The following MPDZ variants were observed in gnomAD, a reference collection of about 807,000 sequenced individuals.
MPDZ encodes multiple PDZ domain protein.
A neutral mutation model predicts 239.1 loss-of-function variants in MPDZ; 234 were observed. The ratio of observed to expected loss-of-function variants is 0.98; its 90% confidence interval spans 0.88 to 1.09. The LOEUF (loss-of-function observed/expected upper bound fraction) is 1.09. Among genes scored for constraint, MPDZ ranks in the 50% least tolerant of loss-of-function variants. The pLI, the probability that MPDZ is intolerant of heterozygous loss-of-function variation, is 0.00. For missense variants in MPDZ, 3,175 were observed against 2,510.0 expected (o/e 1.26, Z -5.66); for synonymous variants, 1,048 against 881.3 (o/e 1.19, Z -3.35).
chr9:13,271,525 T>C (rs1032764460), intron 1 of MPDZ, among the ~76,000 whole-genome samples: 8 of 152,208 alleles, frequency 5.3e-5, no homozygotes, highest in Non-Finnish European at 1.2e-4. Context: ...GAACAACTTT[T>C]ATCATGAAAA....
chr9:13,136,042 G>A lies in MPDZ; in HGVS notation c.4383+50C>T, dbSNP rs531758270. On this transcript the variant is annotated intron_variant, in intron 31 of 46. Transcript: ENST00000319217. ...TGTAATTGTTGATTGAATTAATAAG[G>A]CTCACATCAATCAAGTCTTCCCAGA... is the stretch of plus-strand genomic sequence containing the variant. 30 of 1,182,598 alleles carry A rather than the reference G, an allele frequency of 2.5e-5. No homozygotes were observed. In the African/African-American group the frequency reaches 4.3e-4, roughly 17 times the overall value. The allele number at this position is 1,182,598 out of a possible 1,614,324, so 73.3% of individuals were successfully genotyped here. A position where few individuals can be genotyped will look rare whatever the true frequency, so the allele number is the denominator to read the frequency against.
chr9:13,249,652 A>G (rs779303539), intron 2 of MPDZ, among the ~76,000 whole-genome samples: 1 of 152,186 alleles, frequency 6.6e-6, no homozygotes, highest in Non-Finnish European at 1.5e-5. Flanking sequence ...CCAAAGAGTT[A>G]CCTGGAATAG....
rs754230589 is a variant in MPDZ, at chr9:13,188,895, G to C, written c.2253C>G (p.Leu751=). Residue 751 remains leucine, a synonymous_variant, in exon 17 of 47, where the codon CTC becomes CTG. Transcript: ENST00000319217. ...CCAAGTTAACATCGTTTACAAACAT[G>C]AGTCGGTCACCAGGAAGAAGTCGTC... ...KDGRLLPGDR[L]MFVNDVNLEN... is the part of the protein sequence containing the mutation. 6.2e-7 allele frequency: 1 copy of C among 1,613,558 alleles called. No individual in the cohort carries two copies. Among genetic ancestry groups the C allele is most frequent in the Non-Finnish European group, 8.5e-7 (1 of 1,179,590 alleles).
intron 37 of MPDZ, 50 bp downstream of exon 37, chr9:13,122,037 A>G (rs780771067): frequency 6.2e-7 from 1 of 1,604,874 alleles, no homozygotes; most frequent in Non-Finnish European, 8.5e-7. Flanking sequence ...CACTCCCCCC[A>G]GGAGCCTTTT....
chr9:13,130,580 A>C (rs931855922), intron 32 of MPDZ, among the ~76,000 whole-genome samples: 6 of 152,250 alleles, frequency 3.9e-5, no homozygotes, highest in African/African-American at 1.4e-4. Flanking sequence ...ACAGGAGACA[A>C]GCTCTAGGGT....
intron 3 of MPDZ, among the ~76,000 whole-genome samples, chr9:13,236,257 A>G (rs1963964026): frequency 4.1e-5 from 1 of 24,334 alleles, no homozygotes; most frequent in African/African-American, 1.2e-4. Flanking sequence ...GTGTATATAT[A>G]TATATATATA....
intron 21 of MPDZ, among the ~76,000 whole-genome samples, chr9:13,168,916 C>T (rs1951433468): frequency 6.6e-6 from 1 of 152,094 alleles, no homozygotes; most frequent in South Asian, 2.1e-4. Context: ...TCAGCTTTTA[C>T]ACATAAAAGA....
chr9:13,125,791 A>G (rs1308485002), intron 34 of MPDZ, among the ~76,000 whole-genome samples: 1 of 152,218 alleles, frequency 6.6e-6, no homozygotes, highest in Non-Finnish European at 1.5e-5. Flanking sequence ...ATAGAAACAC[A>G]TATGTTAGAA....
chr9:13,204,962 A>G, intron 12 of MPDZ, 74 bp downstream of exon 12: 1 of 1,012,710 alleles, frequency 9.9e-7, no homozygotes, highest in Non-Finnish European at 1.4e-6. Flanking sequence ...ATAGAGGCTT[A>G]ATCACATTTG....
chr9:13,240,632 C>A lies in MPDZ; in HGVS notation c.183+7003G>T, dbSNP rs966944109. Among the ~76,000 whole-genome samples the A allele has an allele frequency of 5.3e-5, 7 of 133,260 alleles. No homozygotes were observed. In the Admixed American group the frequency reaches 5.4e-4, roughly 10 times the overall value. 87.4% of individuals were successfully genotyped at this position (133,260 alleles called of 152,430 possible). On this transcript the variant is annotated intron_variant, in intron 3 of 46. Coordinates refer to ENST00000319217, the MANE Select transcript of MPDZ (RefSeq NM_001378778.1). ...AAGACTGGCTTCAGGGTTAGACAGA[C>A]CTCAAATTCTCTTAAGTCTATCAAT...
Position 13,123,582 on chromosome 9 carries a change from G to C in MPDZ, c.4808-284C>G, listed in dbSNP as rs1344358978. Reference sequence around the variant, plus strand: ...GTTTTAAATTGGTAGAGATATAAAGGAGAGGATATGAAGAAGAGAGAACAG... The same window carrying C: ...GTTTTAAATTGGTAGAGATATAAAGCAGAGGATATGAAGAAGAGAGAACAG... On this transcript the variant is annotated intron_variant, in intron 35 of 46. Coordinates refer to ENST00000319217, the MANE Select transcript of MPDZ (RefSeq NM_001378778.1). Among the ~76,000 whole-genome samples the C allele has an allele frequency of 4.6e-5, 7 of 152,098 alleles. No homozygotes were observed. The South Asian group carries it at 6.2e-4, about 14-fold the overall frequency.
At chr9:13,208,135 T>A (rs913170420) in intron 10 of MPDZ, among the ~76,000 whole-genome samples, 1 of 152,144 alleles carries the variant, frequency 6.6e-6, no homozygotes, top group Non-Finnish European at 1.5e-5. Context: ...TTAGTAAATA[T>A]GCGAAAATTA....
chr9:13,196,041 G>T, intron 13 of MPDZ, 80 bp downstream of exon 13: 1 of 866,426 alleles, frequency 1.2e-6, no homozygotes, highest in Non-Finnish European at 1.8e-6. Context: ...GAACTCTAAT[G>T]ATTGCCTCTA....
chr9:13,245,498 A>C (rs1282482767), intron 3 of MPDZ, among the ~76,000 whole-genome samples: 2 of 151,672 alleles, frequency 1.3e-5, no homozygotes, highest in Non-Finnish European at 2.9e-5. Flanking sequence ...TAATCAAGTC[A>C]CTTAACCTCT....
At chr9:13,148,871 A>G (rs1948779066) in intron 25 of MPDZ, among the ~76,000 whole-genome samples, 1 of 152,052 alleles carries the variant, frequency 6.6e-6, no homozygotes, top group South Asian at 2.1e-4. Context: ...AATTGCATAC[A>G]GTATTTTAAA....
chr9:13,243,680 C>T (rs1376614693), intron 3 of MPDZ, among the ~76,000 whole-genome samples: 1 of 152,100 alleles, frequency 6.6e-6, no homozygotes, highest in African/African-American at 2.4e-5. Context: ...AACCCTGATC[C>T]CATGTTAACA....
intron 12 of MPDZ, among the ~76,000 whole-genome samples, chr9:13,199,165 T>C (rs1956081232): frequency 6.6e-6 from 1 of 152,068 alleles, no homozygotes; most frequent in Non-Finnish European, 1.5e-5. Context: ...CTCCATATTT[T>C]TGTGTCCTTT....
chr9:13,115,237 C>T lies in MPDZ; in HGVS notation c.5466+11G>A, dbSNP rs765499666. 1 of 1,609,982 alleles carries T rather than the reference C, an allele frequency of 6.2e-7. No individual in the cohort carries two copies. The highest frequency in any genetic ancestry group is 8.5e-7 in the Non-Finnish European group (1 of 1,177,612). On this transcript the variant is annotated intron_variant, in intron 40 of 46. Transcript: ENST00000319217. ...GATTGCATCGCCCTGATGAACTCCA[C>T]AGCTACCCACCTGGCTGCTTTGAGA...
chr9:13,261,928 C>T (rs1330133), intron 1 of MPDZ, among the ~76,000 whole-genome samples: 55,231 of 150,686 alleles, frequency 0.37, 11,230 homozygotes, highest in East Asian at 0.55. Flanking sequence ...GCATGTAGTC[C>T]CAGCTACTTG....
Sources: allele counts gnomAD v4.1 joint callset (sites outside exome capture counted in the v4.1 genomes callset), GRCh38; gene constraint gnomAD v4.1.1; transcripts MANE v1.5; gene names NCBI Gene and HGNC (gene_info 2026-07-23, HGNC 2026-07-21).